PRKCD: variants seen among roughly 807,000 people sequenced by gnomAD.
PRKCD encodes the protein protein kinase C delta type.
PRKCD carries 20 observed loss-of-function variants against 82.2 expected under a neutral mutation model. The observed-to-expected ratio is 0.24, with a 90% CI of 0.17 to 0.35. PRKCD has a LOEUF of 0.35. PRKCD is among the 10% of genes least tolerant of loss of function. The pLI is 1.00. For missense variants in PRKCD, 607 were observed against 899.0 expected (o/e 0.68, Z 4.15); for synonymous variants, 317 against 337.0 (o/e 0.94, Z 0.65).
Position 53,183,547 on chromosome 3 carries a change from C to T in PRKCD, c.753C>T (p.Leu251=). 1 of 1,614,218 alleles carries T rather than the reference C, an allele frequency of 6.2e-7. No individual in the cohort carries two copies. The highest frequency in any genetic ancestry group is 8.5e-7 in the Non-Finnish European group (1 of 1,180,028). ...TCTGTGACCACTGCGGCAGCCTGCTCTGGGGACTGGTGAAGCAGGGATTAA... is the reference window on the plus strand; with the variant it reads ...TCTGTGACCACTGCGGCAGCCTGCTTTGGGGACTGGTGAAGCAGGGATTAA... ...PTFCDHCGSL[L]WGLVKQGLKC... is the part of the protein sequence containing the mutation. Residue 251 remains leucine, a synonymous_variant, in exon 9 of 19, where the codon CTC becomes CTT. Transcript: ENST00000330452.
chr3:53,189,264 G>C lies in PRKCD; in HGVS notation c.1743+18G>C, dbSNP rs1262107818. 1 of 1,526,016 alleles carries C rather than the reference G, an allele frequency of 6.6e-7. No individual in the cohort carries two copies. Among genetic ancestry groups the C allele is most frequent in the African/African-American group, 1.5e-5 (1 of 68,884 alleles). The allele number at this position is 1,526,016 out of a possible 1,614,324, so 94.5% of individuals were successfully genotyped here. On this transcript the variant is annotated intron_variant, in intron 17 of 18. Transcript: ENST00000330452. ...TGGAGAAGGTGGAGGCCCTGGGCTG[G>C]GCTGGGCTGGTCTGGGCTGGGCTGG...
intron 2 of PRKCD, among the ~76,000 whole-genome samples, chr3:53,177,090 A>T (rs1703237856): frequency 6.6e-6 from 1 of 152,110 alleles, no homozygotes; most frequent in Non-Finnish European, 1.5e-5. Context: ...TTGGCCTCCC[A>T]AAGTGCTGAG....
At position 53,189,279 on chromosome 3, in the gene PRKCD, G is replaced by A. The variant is rs782554523; in HGVS notation, c.1743+33G>A. On this transcript the variant is annotated intron_variant, in intron 17 of 18. Transcript: ENST00000330452. ...CCCTGGGCTGGGCTGGGCTGGTCTGGGCTGGGCTGGGGCAGGGGCTGGCAG... is the reference window on the plus strand; with the variant it reads ...CCCTGGGCTGGGCTGGGCTGGTCTGAGCTGGGCTGGGGCAGGGGCTGGCAG... The A allele has an allele frequency of 3.2e-6, 5 of 1,553,212 alleles. No individual in the cohort carries two copies. The South Asian group carries it at 6.0e-5, about 19-fold the overall frequency.
At chr3:53,192,042 C>T in intron 18 of PRKCD, 66 bp from the exon 19 acceptor site, 1 of 1,564,166 alleles carries the variant, frequency 6.4e-7, no homozygotes, top group South Asian at 1.1e-5. Context: ...GCAGGGACTC[C>T]AGCCTGGGGT....
chr3:53,187,470 G>A, intron 15 of PRKCD, 68 bp downstream of exon 15: 4 of 1,546,290 alleles, frequency 2.6e-6, no homozygotes, highest in South Asian at 1.1e-5. Context: ...CTTCTGAAAT[G>A]CTCCAAGCAG....
Position 53,192,329 on chromosome 3 carries a change from G to A in PRKCD, c.*63G>A, listed in dbSNP as rs1553671144. 3 of 1,574,540 alleles carry A rather than the reference G, an allele frequency of 1.9e-6. No homozygotes were observed. Among genetic ancestry groups the A allele is most frequent in the Non-Finnish European group, 1.7e-6 (2 of 1,147,512 alleles). ...CACACCTGCCCGCTCCCCACGATAA[G>A]CACCAGTGGGACTGTGGTGACTTCT... On this transcript the variant is annotated 3_prime_UTR_variant, in exon 19 of 19. Transcript: ENST00000330452.
At chr3:53,188,100 A>G (rs1381811291) in intron 15 of PRKCD, among the ~76,000 whole-genome samples, 1 of 140,256 alleles carries the variant, frequency 7.1e-6, no homozygotes, top group Non-Finnish European at 1.5e-5. Flanking sequence ...AGGCAGGAGA[A>G]TTGCTTGAAC....
intron 5 of PRKCD, 76 bp downstream of exon 5, chr3:53,181,343 G>C (rs1399353981): frequency 1.8e-5 from 29 of 1,606,508 alleles, no homozygotes; most frequent in Non-Finnish European, 2.3e-5. Flanking sequence ...TAGGGAAGCT[G>C]CTCCCTTCGG....
chr3:53,191,155 A>G (rs1482883621), intron 18 of PRKCD, among the ~76,000 whole-genome samples: 1 of 152,200 alleles, frequency 6.6e-6, no homozygotes, highest in African/African-American at 2.4e-5. Context: ...CCACACCAGC[A>G]CTTTGGGAGG....
At chr3:53,180,584 G>C (rs1652643969) in intron 4 of PRKCD, among the ~76,000 whole-genome samples, 1 of 152,224 alleles carries the variant, frequency 6.6e-6, no homozygotes, top group African/African-American at 2.4e-5. Flanking sequence ...CGAGGGGTGA[G>C]GGGGCTGGGA....
chr3:53,191,424 T>A (rs1553670874), intron 18 of PRKCD, among the ~76,000 whole-genome samples: 4 of 148,986 alleles, frequency 2.7e-5, no homozygotes, highest in Middle Eastern at 6.8e-3. Flanking sequence ...AATAAATAAA[T>A]AAAAATAAAT....
At position 53,169,469 on chromosome 3, in the gene PRKCD, G is replaced by A. The variant is rs1347361314; in HGVS notation, c.-20+4254G>A. Among the ~76,000 whole-genome samples the A allele has an allele frequency of 1.3e-5, 2 of 152,198 alleles. No homozygotes were observed. The highest frequency in any genetic ancestry group is 2.9e-5 in the Non-Finnish European group (2 of 68,036). On this transcript the variant is annotated intron_variant, in intron 2 of 18. Transcript: ENST00000330452. This position sits in a 1 kb window ranked among gnomAD's most constrained non-coding sequence, Gnocchi z 4.7. ...AGGGCAGGCTTGTGGTGGCTGAGCC[G>A]CTGTTTTCACAACAGCTCCGGAAGC...
chr3:53,188,519 C>T lies in PRKCD; in HGVS notation c.1416-201C>T, dbSNP rs143386027. Reference sequence around the variant, plus strand: ...AGGAAGTAGGGCAGTGTATGCCCAGCGTTTAGCACACAGTAGGGGACTTGC... The same window carrying T: ...AGGAAGTAGGGCAGTGTATGCCCAGTGTTTAGCACACAGTAGGGGACTTGC... On this transcript the variant is annotated intron_variant, in intron 15 of 18. Transcript: ENST00000330452. Among the ~76,000 whole-genome samples, 803 of 152,280 alleles carry T rather than the reference C, an allele frequency of 5.3e-3. 4 individuals carry two copies. The highest frequency in any genetic ancestry group is 0.018 in the African/African-American group (730 of 41,554).
chr3:53,183,008 C>T (rs1703507886), intron 7 of PRKCD, 113 bp from the exon 8 acceptor site: 1 of 1,049,054 alleles, frequency 9.5e-7, no homozygotes, highest in Non-Finnish European at 1.5e-6. Flanking sequence ...TGTGGGCGGT[C>T]AGGAGAACGG....
At position 53,186,244 on chromosome 3, in the gene PRKCD, C is replaced by CGCA; in HGVS notation, c.1165_1166insCAG (p.Asp388_Asp389insAla). Reference sequence around the variant, plus strand: ...TCAAGAAGGATGTGGTCCTGATCGACGACGACGTGGAGTGCACCATGGTTG... The same window carrying CGCA: ...TCAAGAAGGATGTGGTCCTGATCGACGCAGACGACGTGGAGTGCACCATGGTTG... On this transcript the variant is annotated inframe_insertion, in exon 13 of 19. Coordinates refer to ENST00000330452, the MANE Select transcript of PRKCD (RefSeq NM_006254.4). 6.2e-7 allele frequency: 1 copy of CGCA among 1,614,172 alleles called. No homozygotes were observed. Among genetic ancestry groups the CGCA allele is most frequent in the Non-Finnish European group, 8.5e-7 (1 of 1,179,998 alleles).
chr3:53,190,089 C>G, intron 18 of PRKCD, 88 bp downstream of exon 18: 1 of 1,549,782 alleles, frequency 6.5e-7, no homozygotes, highest in Middle Eastern at 1.9e-4. Flanking sequence ...CGCTTTCCAC[C>G]TCTCCCTTCT....
chr3:53,174,727 C>T (rs1389215776), intron 2 of PRKCD, among the ~76,000 whole-genome samples: 1 of 152,126 alleles, frequency 6.6e-6, no homozygotes, highest in Admixed American at 6.5e-5. Flanking sequence ...CTGGCCAGAG[C>T]CCATGCCCTG....
At chr3:53,190,048 C>G in intron 18 of PRKCD, 47 bp downstream of exon 18, 1 of 1,609,590 alleles carries the variant, frequency 6.2e-7, no homozygotes, top group Non-Finnish European at 8.5e-7. Context: ...CTACTCCTCT[C>G]CTGCCCTCCC....
In PRKCD at chr3:53,169,088, C is replaced by T. The variant is rs760553281; in HGVS notation, c.-20+3873C>T. Among the ~76,000 whole-genome samples the T allele has an allele frequency of 6.4e-4, 97 of 152,026 alleles. 1 individual carries two copies. Among genetic ancestry groups the T allele is most frequent in the Non-Finnish European group, 1.0e-3 (68 of 67,966 alleles). On this transcript the variant is annotated intron_variant, in intron 2 of 18. Coordinates refer to ENST00000330452, the MANE Select transcript of PRKCD (RefSeq NM_006254.4). This position sits in a 1 kb window ranked among gnomAD's most constrained non-coding sequence, Gnocchi z 4.7. ...TTTGAGACTTGAGGACAGGCTGCAG[C>T]GGCAGACGGGATGGCCTTATTGTGT...
Sources: allele counts gnomAD v4.1 joint callset (sites outside exome capture counted in the v4.1 genomes callset), GRCh38; gene constraint gnomAD v4.1.1; non-coding constraint Gnocchi (gnomAD v3.1); transcripts MANE v1.5; gene names NCBI Gene and HGNC (gene_info 2026-07-23, HGNC 2026-07-21).